AGAP1: variants seen among roughly 807,000 people sequenced by gnomAD.
AGAP1 encodes ArfGAP with GTPase domain, ankyrin repeat and PH domain 1, also known as arf-GAP with GTPase, ANK repeat and PH domain-containing protein 1.
A neutral mutation model predicts 105.3 loss-of-function variants in AGAP1; 29 were observed. The observed-to-expected ratio is 0.28, with a 90% CI of 0.21 to 0.38. The LOEUF is 0.38. Among genes scored for constraint, AGAP1 ranks in the 10% least tolerant of loss-of-function variants. The pLI, the probability that AGAP1 is intolerant of heterozygous loss-of-function variation, is 1.00. For synonymous variants in AGAP1, 509 were observed against 485.9 expected (o/e 1.05, Z -0.63); for missense variants, 998 against 1,165.1 (o/e 0.86, Z 2.09).
At chr2:235,814,565 G>A (rs1443851910) in intron 9 of AGAP1, among the ~76,000 whole-genome samples, 1 of 152,218 alleles carries the variant, frequency 6.6e-6, no homozygotes, top group Non-Finnish European at 1.5e-5. Context: ...GAGGCAGAAA[G>A]TGTCTGCAGC....
rs2057091961 is a variant in AGAP1 at position 236,027,488 on chromosome 2, A to G, written c.1646-9073A>G. ...GCCGGTGCCCACCTCTGCGCTGAGCATGTAGGGTTCCATCTCCCGCCTCTG... is the reference window on the plus strand; with the variant it reads ...GCCGGTGCCCACCTCTGCGCTGAGCGTGTAGGGTTCCATCTCCCGCCTCTG... On this transcript the variant is annotated intron_variant, in intron 13 of 17. Coordinates refer to ENST00000304032, the MANE Select transcript of AGAP1 (RefSeq NM_001037131.3). The surrounding 1 kb of genome is among the most constrained non-coding windows in gnomAD (Gnocchi z 4.4). 6.6e-6 allele frequency among the ~76,000 whole-genome samples: 1 copy of G among 152,094 alleles called. No individual in the cohort carries two copies. The highest frequency in any genetic ancestry group is 1.5e-5 in the Non-Finnish European group (1 of 68,010).
At chr2:235,511,664 A>G (rs143003368) in intron 1 of AGAP1, among the ~76,000 whole-genome samples, 13 of 152,284 alleles carry the variant, frequency 8.5e-5, no homozygotes, top group East Asian at 1.9e-4. Context: ...ACTTCTATAT[A>G]TAAATCTTTT....
chr2:235,878,591 G>C (rs867786938), intron 9 of AGAP1, among the ~76,000 whole-genome samples: 1 of 152,192 alleles, frequency 6.6e-6, no homozygotes, highest in Non-Finnish European at 1.5e-5. Flanking sequence ...ACTCAGGGTT[G>C]AGGCCTTCTC....
rs1342566617 is a variant in AGAP1, at chr2:235,979,756, T to C, written c.1645+11133T>C. Among the ~76,000 whole-genome samples, 6 of 152,212 alleles carry C rather than the reference T, an allele frequency of 3.9e-5. No individual in the cohort carries two copies. Among genetic ancestry groups the C allele is most frequent in the African/African-American group, 1.4e-4 (6 of 41,446 alleles). On this transcript the variant is annotated intron_variant, in intron 13 of 17. Transcript: ENST00000304032. This position sits in a 1 kb window ranked among gnomAD's most constrained non-coding sequence, Gnocchi z 4.5. ...ATCAAATGGGTAAAATCAATGACAT[T>C]GTATCAGAGTTCATGAAAAGTGCCT...
At chr2:235,686,552 T>TACACACAC (rs1464294088) in intron 1 of AGAP1, among the ~76,000 whole-genome samples, 3 of 54,350 alleles carry the variant, frequency 5.5e-5, no homozygotes, top group African/African-American at 1.8e-4. Flanking sequence ...AGGAGATATA[T>TACACACAC]ATATACACAC....
intron 1 of AGAP1, among the ~76,000 whole-genome samples, chr2:235,684,769 GA>G (rs2149412081): frequency 6.6e-6 from 1 of 152,248 alleles, no homozygotes; most frequent in Non-Finnish European, 1.5e-5. Context: ...TGCGTCAGAT[GA>G]ATAACTTGTT....
intron 1 of AGAP1, among the ~76,000 whole-genome samples, chr2:235,504,762 G>A (rs1345357109): frequency 3.3e-5 from 5 of 152,196 alleles, no homozygotes; most frequent in Admixed American, 1.3e-4. Context: ...CAGGATGGCC[G>A]TTTGTCTCCT....
In AGAP1 at chr2:235,600,435, C is replaced by T. The variant is rs551931247; in HGVS notation, c.163+105586C>T. Among the ~76,000 whole-genome samples, 4 of 152,256 alleles carry T rather than the reference C, an allele frequency of 2.6e-5. No individual in the cohort carries two copies. The highest frequency in any genetic ancestry group is 3.4e-3 in the Middle Eastern group (1 of 294). On this transcript the variant is annotated intron_variant, in intron 1 of 17. Transcript: ENST00000304032. The surrounding 1 kb of genome is among the most constrained non-coding windows in gnomAD (Gnocchi z 4.8). ...ATAGACCCCCATACTCCTGTAGATA[C>T]CCCCTCATTACAGACCCCCACCATC...
chr2:235,833,388 G>A (rs1425929387), intron 9 of AGAP1, among the ~76,000 whole-genome samples: 3 of 152,152 alleles, frequency 2.0e-5, no homozygotes, highest in African/African-American at 4.8e-5. Context: ...GGACAAAAAC[G>A]TAGAAGTCAC....
intron 4 of AGAP1, among the ~76,000 whole-genome samples, chr2:235,742,634 G>A (rs780039252): frequency 6.6e-6 from 1 of 152,146 alleles, no homozygotes; most frequent in Admixed American, 6.6e-5. Context: ...CTCTTTCTTA[G>A]TCCCACTGAA....
chr2:235,780,534 G>A (rs1575440672), intron 6 of AGAP1, among the ~76,000 whole-genome samples: 1 of 152,178 alleles, frequency 6.6e-6, no homozygotes. Context: ...CCTTCTGACG[G>A]TGGGTAGAGT....
rs144700233 is a variant in AGAP1 at position 235,735,742 on chromosome 2, G to A, written c.311-5221G>A. On this transcript the variant is annotated intron_variant, in intron 3 of 17. Coordinates refer to ENST00000304032, the MANE Select transcript of AGAP1 (RefSeq NM_001037131.3). ...TAGGGAGAAATTAAGACCTCGACTC[G>A]CTTATGAATACAAGCTCAAGGGCAA... Among the ~76,000 whole-genome samples the A allele has an allele frequency of 9.2e-3, 1,392 of 152,058 alleles. 41 individuals carry two copies. Among genetic ancestry groups the A allele is most frequent in the Admixed American group, 0.058 (880 of 15,268 alleles).
At chr2:236,065,544 C>T (rs1023896430) in intron 16 of AGAP1, among the ~76,000 whole-genome samples, 1 of 152,208 alleles carries the variant, frequency 6.6e-6, no homozygotes, top group Admixed American at 6.5e-5. Context: ...GTTCGGCCAG[C>T]CTGTGGACAG....
In AGAP1 at chr2:235,582,709, G is replaced by GAGAA. The variant is rs1317386988; in HGVS notation, c.163+87861_163+87864dup. Among the ~76,000 whole-genome samples, 1 of 152,252 alleles carries GAGAA rather than the reference G, an allele frequency of 6.6e-6. No homozygotes were observed. The highest frequency in any genetic ancestry group is 1.5e-5 in the Non-Finnish European group (1 of 68,044). ...TGGAGTGATGGCCGAAGGAGCCTGG[G>GAGAA]AGAAGTCAGAGAGAGGGGGCTCGTG... On this transcript the variant is annotated intron_variant, in intron 1 of 17. Transcript: ENST00000304032. The surrounding 1 kb of genome is among the most constrained non-coding windows in gnomAD (Gnocchi z 4.7).
At chr2:235,941,880 G>A (rs986733181) in intron 12 of AGAP1, among the ~76,000 whole-genome samples, 1 of 152,114 alleles carries the variant, frequency 6.6e-6, no homozygotes, top group Non-Finnish European at 1.5e-5. Context: ...CACTGAAGGC[G>A]AAGCACAGAG....
Position 236,120,514 on chromosome 2 carries a change from C to T in AGAP1, c.2370+67C>T, listed in dbSNP as rs2059874923. 1.1e-5 allele frequency: 18 copies of T among 1,590,266 alleles called. No individual in the cohort carries two copies. Among genetic ancestry groups the T allele is most frequent in the South Asian group, 2.3e-5 (2 of 87,684 alleles). Reference sequence around the variant, plus strand: ...GGCACTCTCTGCTTTGTTCTGCTTCCGTGGGCATCTTTCTGGCAGAAGGCT... The same window carrying T: ...GGCACTCTCTGCTTTGTTCTGCTTCTGTGGGCATCTTTCTGGCAGAAGGCT... On this transcript the variant is annotated intron_variant, in intron 17 of 17. Coordinates refer to ENST00000304032, the MANE Select transcript of AGAP1 (RefSeq NM_001037131.3). This position sits in a 1 kb window ranked among gnomAD's most constrained non-coding sequence, Gnocchi z 6.0.
Position 236,073,446 on chromosome 2 carries a change from G to C in AGAP1, c.2114+24165G>C, listed in dbSNP as rs149026569. 1.9e-3 allele frequency among the ~76,000 whole-genome samples: 296 copies of C among 152,238 alleles called. 1 individual carries two copies. Among genetic ancestry groups the C allele is most frequent in the African/African-American group, 6.8e-3 (284 of 41,542 alleles). ...GTCTAGATAGCTTATCAGGACAGGA[G>C]TTACATTTGCCCTATCAGCTTGCAA... On this transcript the variant is annotated intron_variant, in intron 16 of 17. Transcript: ENST00000304032. This position sits in a 1 kb window ranked among gnomAD's most constrained non-coding sequence, Gnocchi z 5.4.
In AGAP1 at chr2:235,908,550, C is replaced by G. The variant is rs2051417443; in HGVS notation, c.1156-188C>G. 6.6e-6 allele frequency among the ~76,000 whole-genome samples: 1 copy of G among 152,040 alleles called. No individual in the cohort carries two copies. Among genetic ancestry groups the G allele is most frequent in the East Asian group, 1.9e-4 (1 of 5,174 alleles). ...TAGTTCAGGACACAGAAGCAAAACT[C>G]TGATTTAAATATAATAATGATGTTA... is the stretch of plus-strand genomic sequence containing the variant. On this transcript the variant is annotated intron_variant, in intron 10 of 17. Transcript: ENST00000304032. The surrounding 1 kb of genome is among the most constrained non-coding windows in gnomAD (Gnocchi z 4.4).
Position 235,555,867 on chromosome 2 carries a change from G to T in AGAP1, c.163+61018G>T, listed in dbSNP as rs1467991023. Among the ~76,000 whole-genome samples, 2 of 152,194 alleles carry T rather than the reference G, an allele frequency of 1.3e-5. No individual in the cohort carries two copies. The highest frequency in any genetic ancestry group is 2.4e-5 in the African/African-American group (1 of 41,452). On this transcript the variant is annotated intron_variant, in intron 1 of 17. Coordinates refer to ENST00000304032, the MANE Select transcript of AGAP1 (RefSeq NM_001037131.3). The surrounding 1 kb of genome is among the most constrained non-coding windows in gnomAD (Gnocchi z 5.1). ...GTGAGGCCTGAGTTTGCAGGTTTGT[G>T]CAGGGCATTGATTGGTTGGTTGGTT... is the stretch of plus-strand genomic sequence containing the variant.
Sources: gnomAD v4.1 joint callset for allele counts (sites outside exome capture counted in the v4.1 genomes callset) on GRCh38, gnomAD v4.1.1 for gene constraint, Gnocchi (gnomAD v3.1) non-coding constraint, MANE v1.5 for transcripts, NCBI Gene and HGNC (gene_info 2026-07-23, HGNC 2026-07-21) for gene names.